Variants in CDKAL1 observed in about 807,000 individuals in gnomAD.
The protein encoded by CDKAL1 is CDKAL1 threonylcarbamoyladenosine tRNA methylthiotransferase.
In CDKAL1, 32 loss-of-function variants were observed where a neutral mutation model predicts 68.2. That is an observed-to-expected ratio of 0.47 (90% confidence interval 0.35 to 0.63). CDKAL1 has a LOEUF of 0.63. Ranked by LOEUF, CDKAL1 falls within the 30% of genes least tolerant of loss-of-function variation. CDKAL1 has a pLI of 0.00. For missense variants in CDKAL1, 606 were observed against 696.7 expected, an observed-to-expected ratio of 0.87 and a Z score of 1.47; for synonymous variants, 234 against 244.3, an observed-to-expected ratio of 0.96 and a Z score of 0.39.
rs1772348425 is a variant in CDKAL1, at chr6:21,080,760, T to C, written c.1236+15532T>C. ...GTAGTCAGACCAACAGGACCAGATG[T>C]GTACGGCACAAGTGTAGACTAACTT... is the stretch of plus-strand genomic sequence containing the variant. On this transcript the variant is annotated intron_variant, in intron 12 of 15. Transcript: ENST00000274695. Among the ~76,000 whole-genome samples, 4 of 152,352 alleles carry C rather than the reference T, an allele frequency of 2.6e-5. No homozygotes were observed. The South Asian group carries it at 8.3e-4, about 32-fold the overall frequency.
chr6:20,658,761 T>C (rs1377494342), intron 5 of CDKAL1, among the ~76,000 whole-genome samples: 2 of 152,210 alleles, frequency 1.3e-5, no homozygotes, highest in African/African-American at 4.8e-5. Context: ...TTTCCAGTTC[T>C]CTTGTTAACC....
intron 13 of CDKAL1, among the ~76,000 whole-genome samples, chr6:21,174,183 G>A (rs2151078662): frequency 6.6e-6 from 1 of 152,162 alleles, no homozygotes; most frequent in Non-Finnish European, 1.5e-5. Context: ...AATACACCTG[G>A]AAATAAATCT....
chr6:20,823,943 G>A (rs555452988), intron 8 of CDKAL1, among the ~76,000 whole-genome samples: 1 of 152,246 alleles, frequency 6.6e-6, no homozygotes, highest in Non-Finnish European at 1.5e-5. Flanking sequence ...AAGTTATCTC[G>A]GGGTGAATGC....
intron 4 of CDKAL1, among the ~76,000 whole-genome samples, chr6:20,629,957 G>A (rs779437605): frequency 6.6e-6 from 1 of 152,046 alleles, no homozygotes; most frequent in African/African-American, 2.4e-5. Flanking sequence ...GGATTCAAGC[G>A]ATTCTCTTCT....
chr6:20,726,563 A>T (rs1772668266), intron 5 of CDKAL1, among the ~76,000 whole-genome samples: 1 of 152,220 alleles, frequency 6.6e-6, no homozygotes, highest in Non-Finnish European at 1.5e-5. Flanking sequence ...CTTAAATTTC[A>T]TGTTACAGGG....
chr6:20,871,492 T>G (rs887276374), intron 9 of CDKAL1, among the ~76,000 whole-genome samples: 1 of 152,190 alleles, frequency 6.6e-6, no homozygotes, highest in African/African-American at 2.4e-5. Flanking sequence ...TATTTTTATT[T>G]TTTGCACCCA....
intron 10 of CDKAL1, among the ~76,000 whole-genome samples, chr6:20,974,198 A>C (rs920393939): frequency 3.3e-5 from 5 of 152,214 alleles, no homozygotes; most frequent in African/African-American, 4.8e-5. Flanking sequence ...TTAGCATCCC[A>C]GGCTGCAGAA....
chr6:21,123,005 T>C (rs1774805759), intron 13 of CDKAL1, among the ~76,000 whole-genome samples: 2 of 152,122 alleles, frequency 1.3e-5, no homozygotes, highest in South Asian at 2.1e-4. Context: ...TATGTACATT[T>C]GTATGTGTAT....
At position 20,880,490 on chromosome 6, in the gene CDKAL1, C is replaced by G. The variant is rs571628330; in HGVS notation, c.742+34312C>G. 3.3e-5 allele frequency among the ~76,000 whole-genome samples: 5 copies of G among 152,254 alleles called. No homozygotes were observed. In the East Asian group the frequency reaches 9.7e-4, roughly 29 times the overall value. On this transcript the variant is annotated intron_variant, in intron 9 of 15. Transcript: ENST00000274695. Reference sequence around the variant, plus strand: ...CAGGAGTGTCTTGATCTTCTGACCTCATGATCCGCCCACCTCGGCCTCCCA... The same window carrying G: ...CAGGAGTGTCTTGATCTTCTGACCTGATGATCCGCCCACCTCGGCCTCCCA...
At chr6:21,035,981 G>T (rs948271938) in intron 11 of CDKAL1, among the ~76,000 whole-genome samples, 1 of 152,058 alleles carries the variant, frequency 6.6e-6, no homozygotes, top group Non-Finnish European at 1.5e-5. Context: ...ACAGTTAAAT[G>T]GATTTTTAAA....
chr6:20,647,915 A>ATTT (rs768656966), intron 4 of CDKAL1, among the ~76,000 whole-genome samples: 1 of 142,632 alleles, frequency 7.0e-6, no homozygotes. Context: ...TTGTTTCAAC[A>ATTT]TTTTTTTTTT....
intron 8 of CDKAL1, among the ~76,000 whole-genome samples, chr6:20,843,000 G>A (rs113558155): frequency 6.6e-6 from 1 of 151,902 alleles, no homozygotes; most frequent in African/African-American, 2.4e-5. Context: ...TAAACTTTTT[G>A]GTACAGTTTC....
intron 10 of CDKAL1, among the ~76,000 whole-genome samples, chr6:20,960,344 G>T (rs189163928): frequency 3.0e-4 from 45 of 152,264 alleles, no homozygotes; most frequent in African/African-American, 1.1e-3. Context: ...TGGCTAAACC[G>T]CATAGCCAGT....
chr6:20,947,568 G>A (rs1764309672), intron 9 of CDKAL1, among the ~76,000 whole-genome samples: 1 of 152,050 alleles, frequency 6.6e-6, no homozygotes, highest in East Asian at 1.9e-4. Flanking sequence ...TGCAGCCTTG[G>A]TGACAGAGTA....
intron 5 of CDKAL1, among the ~76,000 whole-genome samples, chr6:20,704,512 A>G (rs1771512559): frequency 6.6e-6 from 1 of 152,204 alleles, no homozygotes; most frequent in Non-Finnish European, 1.5e-5. Flanking sequence ...TGTTCAAGAA[A>G]CAGCAAGGAG....
intron 4 of CDKAL1, among the ~76,000 whole-genome samples, chr6:20,551,695 G>A (rs1581712262): frequency 6.6e-6 from 1 of 151,972 alleles, no homozygotes; most frequent in Non-Finnish European, 1.5e-5. Context: ...TATTAATTTT[G>A]TATTTTTTAT....
chr6:20,975,188 C>T (rs146103849), intron 10 of CDKAL1, among the ~76,000 whole-genome samples: 59 of 152,256 alleles, frequency 3.9e-4, no homozygotes, highest in African/African-American at 1.3e-3. Flanking sequence ...ATCCGGCTAA[C>T]TACGAACCCA....
chr6:20,583,401 CAA>C (rs1470978533), intron 4 of CDKAL1, among the ~76,000 whole-genome samples: 3 of 152,104 alleles, frequency 2.0e-5, no homozygotes, highest in African/African-American at 7.2e-5. Flanking sequence ...AAGATTCTAC[CAA>C]ATTGACTTTC....
At chr6:20,985,284 TTTTG>T (rs1413119089) in intron 10 of CDKAL1, among the ~76,000 whole-genome samples, 1 of 152,148 alleles carries the variant, frequency 6.6e-6, no homozygotes, top group Non-Finnish European at 1.5e-5. Flanking sequence ...TCCATGGTTT[TTTTG>T]TTTGTTTGTT....
Sources: gnomAD v4.1 joint callset for allele counts (sites outside exome capture counted in the v4.1 genomes callset) on GRCh38, gnomAD v4.1.1 for gene constraint, MANE v1.5 for transcripts, NCBI Gene and HGNC (gene_info 2026-07-23, HGNC 2026-07-21) for gene names.